Variants in ADGRL2 observed in about 807,000 individuals in gnomAD.
ADGRL2 encodes calcium-independent alpha-latrotoxin receptor 2.
ADGRL2 carries 44 observed loss-of-function variants against 157.4 expected under a neutral mutation model. The ratio of observed to expected loss-of-function variants is 0.28; its 90% CI spans 0.22 to 0.36. ADGRL2 has a LOEUF of 0.36. ADGRL2 is among the 10% of genes least tolerant of loss of function. The pLI is 1.00. For synonymous variants in ADGRL2, 585 were observed against 624.7 expected (o/e 0.94, Z 0.95); for missense variants, 1,510 against 1,768.9 (o/e 0.85, Z 2.63).
At chr1:81,505,765 A>C (rs577043528) in intron 2 of ADGRL2, among the ~76,000 whole-genome samples, 1 of 134,380 alleles carries the variant, frequency 7.4e-6, no homozygotes, top group East Asian at 2.4e-4. Flanking sequence ...AAAAAAAAAT[A>C]GGAGGCTGAA....
intron 1 of ADGRL2, among the ~76,000 whole-genome samples, chr1:81,408,480 A>C (rs1310737601): frequency 6.8e-6 from 1 of 146,846 alleles, no homozygotes; most frequent in Non-Finnish European, 1.5e-5. Context: ...TAAAGTTTAC[A>C]CCTAACATTA....
In ADGRL2 at chr1:81,920,619, A is replaced by G. The variant is rs186925547; in HGVS notation, c.287+13389A>G. ...AGGGACATCTCTGAAGGTCTCTGCC[A>G]ACTCCAGAGCTCCCGCCCTGAGGAA... On this transcript the variant is annotated intron_variant, in intron 3 of 23. Transcript: ENST00000686636. 1.9e-3 allele frequency among the ~76,000 whole-genome samples: 295 copies of G among 152,264 alleles called. 3 individuals carry two copies. Among genetic ancestry groups the G allele is most frequent in the Middle Eastern group, 6.8e-3 (2 of 294 alleles).
At chr1:81,454,796 G>A (rs1324717539) in intron 2 of ADGRL2, among the ~76,000 whole-genome samples, 2 of 152,118 alleles carry the variant, frequency 1.3e-5, no homozygotes, top group Non-Finnish European at 2.9e-5. Context: ...TATGGCCTCT[G>A]GCTCCACCAA....
At chr1:81,741,861 T>C (rs942227117) in intron 1 of ADGRL2, among the ~76,000 whole-genome samples, 8 of 151,846 alleles carry the variant, frequency 5.3e-5, no homozygotes. Flanking sequence ...TATCAAAAAA[T>C]TGAACACACA....
upstream of ADGRL2, among the ~76,000 whole-genome samples, chr1:81,697,872 A>C (rs2083477120): frequency 6.6e-6 from 1 of 152,206 alleles, no homozygotes; most frequent in South Asian, 2.1e-4. Flanking sequence ...ACAGAATTCT[A>C]AATTATTAGA....
intron 1 of ADGRL2, among the ~76,000 whole-genome samples, chr1:81,736,174 ACAAT>A (rs2084896012): frequency 6.6e-6 from 1 of 150,380 alleles, no homozygotes; most frequent in Admixed American, 6.6e-5. Flanking sequence ...AGTCAAACTG[ACAAT>A]CAGTTTGACT....
At chr1:81,626,843 T>C (rs1180677922) in intron 3 of ADGRL2, among the ~76,000 whole-genome samples, 8 of 152,182 alleles carry the variant, frequency 5.3e-5, no homozygotes, top group African/African-American at 9.7e-5. Flanking sequence ...GTACCTATAC[T>C]TTACCAGTGG....
chr1:81,738,434 G>A (rs556084079), intron 1 of ADGRL2, among the ~76,000 whole-genome samples: 15 of 152,232 alleles, frequency 9.9e-5, no homozygotes, highest in African/African-American at 3.6e-4. Context: ...AAAATGAAAC[G>A]TTTCCACAAA....
chr1:81,653,178 T>A (rs1475033102), intron 3 of ADGRL2, among the ~76,000 whole-genome samples: 1 of 152,162 alleles, frequency 6.6e-6, no homozygotes, highest in East Asian at 1.9e-4. Flanking sequence ...AGATGTTGTC[T>A]CTTGCAACTT....
At chr1:81,731,583 T>C (rs1243534381) in intron 1 of ADGRL2, among the ~76,000 whole-genome samples, 1 of 152,202 alleles carries the variant, frequency 6.6e-6, no homozygotes, top group Admixed American at 6.5e-5. Context: ...TTTTCTTTTT[T>C]GGTAATTGCA....
intron 2 of ADGRL2, among the ~76,000 whole-genome samples, chr1:81,860,541 A>T (rs556421686): frequency 6.6e-6 from 1 of 152,124 alleles, no homozygotes; most frequent in African/African-American, 2.4e-5. Context: ...TTTTATAATC[A>T]TATAATGTAT....
intron 2 of ADGRL2, among the ~76,000 whole-genome samples, chr1:81,551,821 A>G (rs1350213592): frequency 6.6e-6 from 1 of 152,214 alleles, no homozygotes; most frequent in Admixed American, 6.5e-5. Flanking sequence ...TCAATCAATC[A>G]ATCAAACTGT....
At chr1:81,323,981 G>A (rs762722775) in intron 1 of ADGRL2, among the ~76,000 whole-genome samples, 10 of 152,186 alleles carry the variant, frequency 6.6e-5, no homozygotes, top group Admixed American at 5.2e-4. Flanking sequence ...GTTCAGGCTA[G>A]GCTACTATTG....
rs986257632 is a variant in ADGRL2 at position 81,993,863 on chromosome 1, T to C, written c.*2718T>C. Among the ~76,000 whole-genome samples, 1 of 152,062 alleles carries C rather than the reference T, an allele frequency of 6.6e-6. No individual in the cohort carries two copies. The highest frequency in any genetic ancestry group is 2.4e-5 in the African/African-American group (1 of 41,394). On this transcript the variant is annotated 3_prime_UTR_variant, in exon 24 of 24. Transcript: ENST00000686636. ...TTATAAAGTCACATTTTTAAAGTTC[T>C]TCCTAGAGACATTCACTCTGTCTTT...
chr1:81,733,314 A>G (rs2084786862), intron 1 of ADGRL2, among the ~76,000 whole-genome samples: 1 of 152,238 alleles, frequency 6.6e-6, no homozygotes, highest in Admixed American at 6.5e-5. Context: ...ACAAAATACT[A>G]TAGACTGGGT....
intron 1 of ADGRL2, among the ~76,000 whole-genome samples, chr1:81,312,142 G>A (rs556183055): frequency 1.2e-3 from 181 of 152,302 alleles, no homozygotes; most frequent in Non-Finnish European, 2.3e-3. Flanking sequence ...CCTAAGCAAC[G>A]ATGGAAGCAA....
chr1:81,499,872 G>A (rs565744224), intron 2 of ADGRL2, among the ~76,000 whole-genome samples: 2 of 151,868 alleles, frequency 1.3e-5, no homozygotes, highest in African/African-American at 4.8e-5. Flanking sequence ...GAATGATAGT[G>A]ATACATTTTA....
At chr1:81,970,139 G>C (rs1449789022) in intron 15 of ADGRL2, among the ~76,000 whole-genome samples, 175 bp from the exon 16 acceptor site, 1 of 151,996 alleles carries the variant, frequency 6.6e-6, no homozygotes, top group East Asian at 1.9e-4. Context: ...GATTTGTCAG[G>C]GTTTTTAGCT....
intron 1 of ADGRL2, among the ~76,000 whole-genome samples, chr1:81,810,779 A>G (rs1289936357): frequency 6.6e-6 from 1 of 151,922 alleles, no homozygotes; most frequent in Non-Finnish European, 1.5e-5. Context: ...TCCAATATTA[A>G]AGAGATGAGC....
Sources: gnomAD v4.1 joint callset for allele counts (sites outside exome capture counted in the v4.1 genomes callset) on GRCh38, gnomAD v4.1.1 for gene constraint, MANE v1.5 for transcripts, NCBI Gene and HGNC (gene_info 2026-07-23, HGNC 2026-07-21) for gene names.